Variants in C8orf34 observed in about 807,000 individuals in gnomAD.
C8orf34 encodes chromosome 8 open reading frame 34.
C8orf34 carries 65 observed loss-of-function variants against 68.3 expected under a neutral mutation model. The ratio of observed to expected loss-of-function variants is 0.95; its 90% CI spans 0.78 to 1.17. The LOEUF (loss-of-function observed/expected upper bound fraction) is 1.17, where lower values mean the gene tolerates loss of function less well. Among genes scored for constraint, C8orf34 ranks in the 50% most tolerant of loss-of-function variants. The pLI is 0.00. For synonymous variants in C8orf34, 244 were observed against 241.2 expected, an observed-to-expected ratio of 1.01 and a Z score of -0.11; for missense variants, 664 against 655.4, an observed-to-expected ratio of 1.01 and a Z score of -0.14.
intron 5 of C8orf34, among the ~76,000 whole-genome samples, chr8:68,516,521 C>A (rs7826563): frequency 0.02 from 3,070 of 152,124 alleles, 112 homozygotes; most frequent in African/African-American, 0.07. Flanking sequence ...GGAGAGAGAG[C>A]CTAGGACAAG....
chr8:68,553,639 G>A (rs779434586), intron 7 of C8orf34, among the ~76,000 whole-genome samples: 30 of 151,628 alleles, frequency 2.0e-4, no homozygotes, highest in Non-Finnish European at 2.6e-4. Flanking sequence ...TTAATTTGTC[G>A]GCGTACACTT....
chr8:68,562,840 G>A (rs1387070337), intron 7 of C8orf34, among the ~76,000 whole-genome samples: 1 of 152,148 alleles, frequency 6.6e-6, no homozygotes, highest in Non-Finnish European at 1.5e-5. Context: ...AATTTAACAT[G>A]ACATGTAAAA....
Position 68,578,858 on chromosome 8 carries a change from A to G in C8orf34, c.1105+45709A>G, listed in dbSNP as rs1442595067. Among the ~76,000 whole-genome samples, 11 of 152,088 alleles carry G rather than the reference A, an allele frequency of 7.2e-5. 1 individual carries two copies. The highest frequency in any genetic ancestry group is 2.9e-5 in the Non-Finnish European group (2 of 67,996). On this transcript the variant is annotated intron_variant, in intron 7 of 13. Transcript: ENST00000518698. The stretch of plus-strand genomic sequence containing the variant: ...AAAACTTTGCTGAAAAGGAAACAAT[A>G]CTATATTGTTTAAGAGTTAAAAGTA...
intron 7 of C8orf34, among the ~76,000 whole-genome samples, chr8:68,635,508 T>C (rs1331021626): frequency 6.6e-6 from 1 of 152,338 alleles, no homozygotes; most frequent in East Asian, 1.9e-4. Flanking sequence ...CAAAAGGTGA[T>C]TGCTTCATTT....
intron 10 of C8orf34, among the ~76,000 whole-genome samples, chr8:68,758,450 T>G (rs1226639402): frequency 6.6e-6 from 1 of 152,170 alleles, no homozygotes; most frequent in Admixed American, 6.5e-5. Context: ...GCCGTACTCC[T>G]TAGTCTGCAG....
chr8:68,362,592 C>T (rs903726267), intron 1 of C8orf34, among the ~76,000 whole-genome samples: 14 of 152,250 alleles, frequency 9.2e-5, no homozygotes, highest in African/African-American at 3.4e-4. Flanking sequence ...GGTCCCTGAC[C>T]CCCGAGCAGC....
At chr8:68,628,238 TATTATTTATAAGCTTG>T (rs1357695890) in intron 7 of C8orf34, among the ~76,000 whole-genome samples, 1 of 152,192 alleles carries the variant, frequency 6.6e-6, no homozygotes, top group Non-Finnish European at 1.5e-5. Flanking sequence ...ATTTTGTTCT[TATTATTTATAAGCTTG>T]ATTATTTATG....
At chr8:68,339,244 G>C (rs1805974604) in intron 1 of C8orf34, among the ~76,000 whole-genome samples, 1 of 151,748 alleles carries the variant, frequency 6.6e-6, no homozygotes, top group Non-Finnish European at 1.5e-5. Context: ...GAAAATTAGA[G>C]GGTATCTACA....
At chr8:68,531,173 C>T (rs1157237576) in intron 6 of C8orf34, among the ~76,000 whole-genome samples, 1 of 152,060 alleles carries the variant, frequency 6.6e-6, no homozygotes, top group Admixed American at 6.6e-5. Flanking sequence ...CTTATGTACC[C>T]ATAATATAAT....
At chr8:68,500,083 C>A (rs1813700751) in intron 5 of C8orf34, among the ~76,000 whole-genome samples, 1 of 152,186 alleles carries the variant, frequency 6.6e-6, no homozygotes, top group Admixed American at 6.5e-5. Flanking sequence ...CTGAAGACTT[C>A]ACCAGAAGCA....
rs564754533 is a variant in C8orf34 at position 68,332,715 on chromosome 8, A to G, written c.327+1376A>G. ...CTCCTAAGTTTTTTTGCCCAACTTTAACGTTGATCTGTCTTAGACGATAAG... is the reference window on the plus strand; with the variant it reads ...CTCCTAAGTTTTTTTGCCCAACTTTGACGTTGATCTGTCTTAGACGATAAG... On this transcript the variant is annotated intron_variant, in intron 1 of 13. Coordinates refer to ENST00000518698, the MANE Select transcript of C8orf34 (RefSeq NM_052958.4). Among the ~76,000 whole-genome samples the G allele has an allele frequency of 2.6e-5, 4 of 152,210 alleles. No individual in the cohort carries two copies. The East Asian group carries it at 7.8e-4, about 30-fold the overall frequency.
chr8:68,707,629 G>A (rs1470496829), intron 8 of C8orf34, among the ~76,000 whole-genome samples: 1 of 152,004 alleles, frequency 6.6e-6, no homozygotes, highest in Non-Finnish European at 1.5e-5. Context: ...CAGTTGGAGT[G>A]CAGTGGCGTG....
At chr8:68,700,568 T>C (rs942367192) in intron 8 of C8orf34, among the ~76,000 whole-genome samples, 1 of 152,100 alleles carries the variant, frequency 6.6e-6, no homozygotes, top group African/African-American at 2.4e-5. Flanking sequence ...ACAGTTATTC[T>C]GGGGACCACA....
In C8orf34 at chr8:68,814,712, A is replaced by G. The variant is rs138466243; in HGVS notation, c.1550-1174A>G. ...AGGAAAGGGTGAAGATAAGATTTAA[A>G]CTCAGTTCTAGCTTAATATAAAATC... On this transcript the variant is annotated intron_variant, in intron 12 of 13. Transcript: ENST00000518698. Among the ~76,000 whole-genome samples the G allele has an allele frequency of 2.0e-3, 305 of 152,242 alleles. 1 individual carries two copies. Among genetic ancestry groups the G allele is most frequent in the Non-Finnish European group, 3.8e-3 (259 of 68,014 alleles).
chr8:68,787,373 G>A, intron 11 of C8orf34, 70 bp from the exon 12 acceptor site: 1 of 998,316 alleles, frequency 1.0e-6, no homozygotes, highest in African/African-American at 1.6e-5. Context: ...AAAGATTGAA[G>A]TGATTATCCA....
intron 1 of C8orf34, among the ~76,000 whole-genome samples, chr8:68,364,672 A>C: frequency 8.0e-6 from 1 of 124,596 alleles, no homozygotes; most frequent in Non-Finnish European, 1.7e-5. Flanking sequence ...ATGAAGGCAG[A>C]AATAAAGATG....
intron 1 of C8orf34, among the ~76,000 whole-genome samples, chr8:68,413,143 G>A (rs1228161476): frequency 6.6e-6 from 1 of 152,168 alleles, no homozygotes; most frequent in Middle Eastern, 3.2e-3. Context: ...CAAGTGGCCA[G>A]ACAATCATCA....
intron 9 of C8orf34, among the ~76,000 whole-genome samples, chr8:68,709,670 A>G (rs1054700824): frequency 6.6e-5 from 10 of 150,516 alleles, no homozygotes; most frequent in Non-Finnish European, 1.2e-4. Flanking sequence ...TTCTCCATCA[A>G]CTCCCTTCTT....
chr8:68,493,970 C>A (rs1586254221), intron 5 of C8orf34, among the ~76,000 whole-genome samples: 1 of 152,116 alleles, frequency 6.6e-6, no homozygotes, highest in Non-Finnish European at 1.5e-5. Flanking sequence ...GTTATAGCAG[C>A]AGGAATGAAC....
Sources: gnomAD v4.1 joint callset for allele counts (sites outside exome capture counted in the v4.1 genomes callset) on GRCh38, gnomAD v4.1.1 for gene constraint, MANE v1.5 for transcripts, NCBI Gene and HGNC (gene_info 2026-07-23, HGNC 2026-07-21) for gene names.